Variants in GPAT3 observed in about 807,000 individuals in gnomAD.
GPAT3 encodes the protein glycerol-3-phosphate acyltransferase 3.
In GPAT3, 53 loss-of-function variants were observed where a neutral mutation model predicts 58.8. The ratio of observed to expected loss-of-function variants is 0.90; its 90% CI spans 0.72 to 1.13. The LOEUF (loss-of-function observed/expected upper bound fraction) is 1.13, where lower values mean the gene tolerates loss of function less well. GPAT3 is among the 50% of genes most tolerant of loss of function. The probability of loss-of-function intolerance (pLI) is 0.00; values close to 1 mark genes in which losing one functional copy is unlikely to be tolerated. For missense variants in GPAT3, 511 were observed against 527.6 expected (o/e 0.97, Z 0.31); for synonymous variants, 197 against 187.4 (o/e 1.05, Z -0.42).
At chr4:83,551,399 T>C (rs1246146136) in intron 2 of GPAT3, among the ~76,000 whole-genome samples, 2 of 152,184 alleles carry the variant, frequency 1.3e-5, no homozygotes, top group Admixed American at 6.5e-5. Context: ...ATATATACTA[T>C]AGGGCAGTAT....
intron 6 of GPAT3, among the ~76,000 whole-genome samples, chr4:83,593,054 A>G (rs1378910841): frequency 6.7e-6 from 1 of 148,704 alleles, no homozygotes; most frequent in Non-Finnish European, 1.5e-5. Flanking sequence ...TTTAGTAGAG[A>G]CGGGGTTTTG....
chr4:83,556,379 T>A (rs1724940720), intron 2 of GPAT3, among the ~76,000 whole-genome samples: 1 of 152,090 alleles, frequency 6.6e-6, no homozygotes, highest in African/African-American at 2.4e-5. Flanking sequence ...ACAGCTGTAA[T>A]CCCAGCTACT....
chr4:83,548,888 A>G (rs1724641320), intron 2 of GPAT3, among the ~76,000 whole-genome samples: 1 of 152,188 alleles, frequency 6.6e-6, no homozygotes, highest in Middle Eastern at 3.2e-3. Context: ...ACCTATTTGG[A>G]GAGAATTCAG....
intron 2 of GPAT3, among the ~76,000 whole-genome samples, chr4:83,569,731 G>C (rs1207537309): frequency 6.6e-6 from 1 of 152,130 alleles, no homozygotes; most frequent in Admixed American, 6.5e-5. Flanking sequence ...ACTGCCCAGG[G>C]CATGGTTTTG....
intron 6 of GPAT3, among the ~76,000 whole-genome samples, chr4:83,592,274 G>A (rs1726630984): frequency 6.6e-6 from 1 of 152,180 alleles, no homozygotes; most frequent in Non-Finnish European, 1.5e-5. Context: ...GAAAAGCATA[G>A]TAACTGTAAA....
chr4:83,589,342 G>A (rs1271748696), intron 5 of GPAT3, among the ~76,000 whole-genome samples: 2 of 152,190 alleles, frequency 1.3e-5, no homozygotes, highest in Non-Finnish European at 2.9e-5. Flanking sequence ...CTAGGGTAGA[G>A]ATCAACAAAC....
chr4:83,595,076 T>A, intron 7 of GPAT3, 116 bp downstream of exon 7: 1 of 840,998 alleles, frequency 1.2e-6, no homozygotes. Flanking sequence ...CAGAGCCCTG[T>A]TTGCTGTTGG....
Position 83,551,813 on chromosome 4 carries a change from A to AAAATCTATCTATCTATCTATCTATCT in GPAT3, c.208+7212_208+7213insAATCTATCTATCTATCTATCTATCTA, listed in dbSNP as rs768726930. Among the ~76,000 whole-genome samples the AAAATCTATCTATCTATCTATCTATCT allele has an allele frequency of 3.1e-3, 319 of 102,272 alleles. 2 individuals carry two copies. Among genetic ancestry groups the AAAATCTATCTATCTATCTATCTATCT allele is most frequent in the East Asian group, 6.5e-3 (27 of 4,158 alleles). The allele number at this position is 102,272 out of a possible 152,430, so 67.1% of individuals were successfully genotyped here. A position where few individuals can be genotyped will look rare whatever the true frequency, so the allele number is the denominator to read the frequency against. On this transcript the variant is annotated intron_variant, in intron 2 of 11. Transcript: ENST00000264409. ...TCTCGGAAAAAAAAAAAAAAAAAAAAATCTATCTATCTATCTATCTATCTA... is the reference window on the plus strand; with the variant it reads ...TCTCGGAAAAAAAAAAAAAAAAAAAAAAATCTATCTATCTATCTATCTATCTATCTATCTATCTATCTATCTATCTA...
chr4:83,537,784 C>T (rs77840158), intron 1 of GPAT3, among the ~76,000 whole-genome samples: 1,854 of 151,970 alleles, frequency 0.012, 39 homozygotes, highest in African/African-American at 0.042. Flanking sequence ...GAGAAGAGGC[C>T]CTGCAGCCTA....
chr4:83,570,541 C>T (rs556982514), intron 2 of GPAT3, among the ~76,000 whole-genome samples: 1 of 147,310 alleles, frequency 6.8e-6, no homozygotes, highest in African/African-American at 2.6e-5. Context: ...GGCACGATCT[C>T]GGCTCACTGC....
chr4:83,583,385 AGC>A (rs1726239702), intron 3 of GPAT3, among the ~76,000 whole-genome samples: 1 of 150,316 alleles, frequency 6.7e-6, no homozygotes, highest in Admixed American at 6.7e-5. Context: ...AAAAAGAAAA[AGC>A]CCAGGGGCAT....
chr4:83,577,981 A>T (rs1435478490), intron 2 of GPAT3, among the ~76,000 whole-genome samples: 1 of 151,676 alleles, frequency 6.6e-6, no homozygotes, highest in Non-Finnish European at 1.5e-5. Context: ...TTGTATTTTT[A>T]GTAGAGACGG....
At chr4:83,598,752 T>C (rs754017593) in intron 11 of GPAT3, 29 bp downstream of exon 11, 2 of 178,908 alleles carry the variant, frequency 1.1e-5, no homozygotes, top group South Asian at 2.0e-4. Context: ...GTACTATCAC[T>C]TTTTTTTTTT....
intron 2 of GPAT3, among the ~76,000 whole-genome samples, chr4:83,560,133 G>A (rs1445076023): frequency 1.3e-5 from 2 of 152,138 alleles, no homozygotes; most frequent in African/African-American, 4.8e-5. Flanking sequence ...TCAAAGCTCT[G>A]TTTCCTCCAA....
chr4:83,536,415 A>C lies in GPAT3; in HGVS notation c.-208A>C, dbSNP rs1724085133. On this transcript the variant is annotated 5_prime_UTR_variant, in exon 1 of 12. Coordinates refer to ENST00000264409, the MANE Select transcript of GPAT3 (RefSeq NM_032717.5). ...TGGGCAGCCAGCGGAGAAAGAGTTAACTGGCAGGGGCGAGGAGGAGCCCAG... is the reference window on the plus strand; with the variant it reads ...TGGGCAGCCAGCGGAGAAAGAGTTACCTGGCAGGGGCGAGGAGGAGCCCAG... 1.5e-6 allele frequency: 2 copies of C among 1,361,456 alleles called. No homozygotes were observed. The highest frequency in any genetic ancestry group is 6.6e-5 in the Admixed American group (2 of 30,430). 84.3% of individuals were successfully genotyped at this position (1,361,456 alleles called of 1,614,324 possible).
intron 8 of GPAT3, among the ~76,000 whole-genome samples, chr4:83,597,194 G>A (rs1310299080): frequency 6.6e-6 from 1 of 152,186 alleles, no homozygotes; most frequent in Non-Finnish European, 1.5e-5. Context: ...CTGTTGAGAA[G>A]TTGTTCCCAT....
In GPAT3 at chr4:83,569,586, A is replaced by G. The variant is rs113242087; in HGVS notation, c.209-11976A>G. On this transcript the variant is annotated intron_variant, in intron 2 of 11. Coordinates refer to ENST00000264409, the MANE Select transcript of GPAT3 (RefSeq NM_032717.5). ...TGTAGGGAAGCTGCTTCTGCCGTGT[A>G]GAGGCCTTGAAGAGTAAGGATACTG... is the stretch of plus-strand genomic sequence containing the variant. Among the ~76,000 whole-genome samples the G allele has an allele frequency of 7.0e-3, 1,072 of 152,060 alleles. 18 individuals are homozygous for G. Among genetic ancestry groups the G allele is most frequent in the African/African-American group, 0.025 (1,026 of 41,462 alleles).
intron 2 of GPAT3, among the ~76,000 whole-genome samples, chr4:83,569,267 G>A (rs1725516050): frequency 6.6e-6 from 1 of 152,182 alleles, no homozygotes; most frequent in Admixed American, 6.5e-5. Context: ...AGGAGCCTAT[G>A]CAAGTTTGGA....
At chr4:83,569,262 C>T (rs543262693) in intron 2 of GPAT3, among the ~76,000 whole-genome samples, 1 of 152,236 alleles carries the variant, frequency 6.6e-6, no homozygotes, top group East Asian at 1.9e-4. Context: ...TTGGAAGGAG[C>T]CTATGCAAGT....
Sources: allele counts gnomAD v4.1 joint callset (sites outside exome capture counted in the v4.1 genomes callset), GRCh38; gene constraint gnomAD v4.1.1; transcripts MANE v1.5; gene names NCBI Gene and HGNC (gene_info 2026-07-23, HGNC 2026-07-21).